ATG4D: variants seen among roughly 807,000 people sequenced by gnomAD.
ATG4D encodes the protein cysteine protease ATG4D.
A neutral mutation model predicts 55.2 loss-of-function variants in ATG4D; 51 were observed. The ratio of observed to expected loss-of-function variants is 0.92; its 90% CI spans 0.74 to 1.17. ATG4D has a LOEUF of 1.17. Ranked by LOEUF, ATG4D falls within the 50% of genes most tolerant of loss-of-function variation. ATG4D has a pLI of 0.00. For synonymous variants in ATG4D, 268 were observed against 266.2 expected (o/e 1.01, Z -0.07); for missense variants, 635 against 649.6 (o/e 0.98, Z 0.25).
chr19:10,546,392 C>A (rs950495158), intron 3 of ATG4D, among the ~76,000 whole-genome samples: 4 of 150,982 alleles, frequency 2.6e-5, no homozygotes, highest in South Asian at 2.1e-4. Context: ...ATCATCCTGG[C>A]TGAAGTGCAG....
intron 3 of ATG4D, among the ~76,000 whole-genome samples, chr19:10,546,121 C>T (rs558991663): frequency 5.3e-5 from 8 of 151,912 alleles, no homozygotes; most frequent in Non-Finnish European, 1.0e-4. Flanking sequence ...AGGCATTCGA[C>T]ACCAGCCTAG....
chr19:10,545,289 G>C (rs1371253054), intron 3 of ATG4D, among the ~76,000 whole-genome samples, 159 bp downstream of exon 3: 1 of 152,172 alleles, frequency 6.6e-6, no homozygotes, highest in African/African-American at 2.4e-5. Context: ...GTTTCAGCCG[G>C]GGTTGGAAAC....
chr19:10,550,773 A>C (rs35643447), intron 6 of ATG4D, among the ~76,000 whole-genome samples: 23,920 of 141,228 alleles, frequency 0.17, 2,310 homozygotes, highest in Admixed American at 0.28. Flanking sequence ...GTGCAGTGGC[A>C]TGATCTCAGC....
chr19:10,552,196 C>G lies in ATG4D; in HGVS notation c.1123-9C>G, dbSNP rs763826655. 2 of 1,611,946 alleles carry G rather than the reference C, an allele frequency of 1.2e-6. No individual in the cohort carries two copies. The highest frequency in any genetic ancestry group is 1.7e-6 in the Non-Finnish European group (2 of 1,180,012). ...CAGCCTCTGAGCCTTCCTCGTCTGT[C>G]TGCCCCAGTCCTTCCACTGCACCTC... On this transcript the variant is annotated splice_polypyrimidine_tract_variant and intron_variant, in intron 8 of 9. Coordinates refer to ENST00000309469, the MANE Select transcript of ATG4D (RefSeq NM_032885.6).
At chr19:10,552,021 C>CA in intron 7 of ATG4D, 24 bp from the exon 8 acceptor site, 1 of 1,612,182 alleles carries the variant, frequency 6.2e-7, no homozygotes, top group East Asian at 2.2e-5. Flanking sequence ...ACCGCACCCC[C>CA]ACTCACACCT....
rs777918388 is a variant in ATG4D at position 10,546,981 on chromosome 19, C to A, written c.636C>A (p.His212Gln). Residue 212 changes from histidine (H) to glutamine (Q), a missense_variant, in exon 4 of 10, where the codon CAC becomes CAA. Physicochemically the swap from His to Gln is conservative, Grantham distance 24 (BLOSUM62 0). Coordinates refer to ENST00000309469, the MANE Select transcript of ATG4D (RefSeq NM_032885.6). ...CTGAGCTGGAGCAGGAACGCCGGCA[C>A]CGGCAGATTGTGTCCTGGTTCGCCG... ...GAPELEQERR[H>Q]RQIVSWFADH... 1 of 1,603,882 alleles carries A rather than the reference C, an allele frequency of 6.2e-7. No homozygotes were observed. The highest frequency in any genetic ancestry group is 2.2e-5 in the East Asian group (1 of 44,450).
chr19:10,543,919 G>A lies in ATG4D; in HGVS notation c.-172G>A, dbSNP rs1434494265. 4 of 408,108 alleles carry A rather than the reference G, an allele frequency of 9.8e-6. No individual in the cohort carries two copies. Among genetic ancestry groups the A allele is most frequent in the Non-Finnish European group, 1.7e-5 (4 of 241,222 alleles). 25.3% of individuals were successfully genotyped at this position (408,108 alleles called of 1,614,324 possible). ...GTCATCCGGGGTCCTGGCCCGCTAA[G>A]ATGGCGATGGCTGCGGTAGCAGCGG... On this transcript the variant is annotated 5_prime_UTR_variant, in exon 1 of 10. Coordinates refer to ENST00000309469, the MANE Select transcript of ATG4D (RefSeq NM_032885.6).
chr19:10,545,249 G>C (rs1282075956), intron 3 of ATG4D, 119 bp downstream of exon 3: 34 of 1,351,336 alleles, frequency 2.5e-5, no homozygotes, highest in Non-Finnish European at 3.2e-5. Flanking sequence ...TGTCAAGTAA[G>C]TTTTGGAGAG....
chr19:10,552,831 A>C, intron 9 of ATG4D, 54 bp from the exon 10 acceptor site: 4 of 1,539,864 alleles, frequency 2.6e-6, no homozygotes, highest in Non-Finnish European at 3.5e-6. Flanking sequence ...ACCTGGGCTA[A>C]GGAATATGGC....
rs1027180503 is a variant in ATG4D, at chr19:10,544,038, G to C, written c.-53G>C. 1.7e-6 allele frequency: 2 copies of C among 1,187,884 alleles called. No individual in the cohort carries two copies. The highest frequency in any genetic ancestry group is 4.3e-5 in the Admixed American group (1 of 23,262). 73.6% of individuals were successfully genotyped at this position (1,187,884 alleles called of 1,614,324 possible). On this transcript the variant is annotated 5_prime_UTR_variant, in exon 1 of 10. Transcript: ENST00000309469. Reference sequence around the variant, plus strand: ...ACCGGCTGCGGGTCGCCCTTGGGGGGCAGCGGCCGCAGCCCCCCACCTGGG... The same window carrying C: ...ACCGGCTGCGGGTCGCCCTTGGGGGCCAGCGGCCGCAGCCCCCCACCTGGG...
Position 10,551,887 on chromosome 19 carries a change from C to T in ATG4D, c.967-10C>T. On this transcript the variant is annotated splice_polypyrimidine_tract_variant and intron_variant, in intron 6 of 9. Transcript: ENST00000309469. ...TGCCTGACAGCACCTGCCTACCCTC[C>T]TCCCTGCAGGAACTCCTGCGTTGCG... is the stretch of plus-strand genomic sequence containing the variant. 6.2e-7 allele frequency: 1 copy of T among 1,613,710 alleles called. No homozygotes were observed. Among genetic ancestry groups the T allele is most frequent in the Non-Finnish European group, 8.5e-7 (1 of 1,179,880 alleles).
At chr19:10,551,403 G>A (rs527546936) in intron 6 of ATG4D, among the ~76,000 whole-genome samples, 19 of 152,000 alleles carry the variant, frequency 1.3e-4, no homozygotes, top group South Asian at 6.3e-4. Flanking sequence ...TGGAGGTTTC[G>A]GTGAGCCAAG....
chr19:10,548,477 T>G (rs770872319), intron 5 of ATG4D, among the ~76,000 whole-genome samples: 28 of 152,056 alleles, frequency 1.8e-4, no homozygotes, highest in Non-Finnish European at 4.0e-4. Context: ...GGCAGGAGAA[T>G]GGGCCCAAGT....
Position 10,544,050 on chromosome 19 carries a change from G to GC in ATG4D, c.-35dup. 3.3e-6 allele frequency: 4 copies of GC among 1,214,246 alleles called. No homozygotes were observed. Among genetic ancestry groups the GC allele is most frequent in the Non-Finnish European group, 4.1e-6 (4 of 970,846 alleles). The allele number at this position is 1,214,246 out of a possible 1,614,324, so 75.2% of individuals were successfully genotyped here. A position where few individuals can be genotyped will look rare whatever the true frequency, so the allele number is the denominator to read the frequency against. ...TCGCCCTTGGGGGGCAGCGGCCGCA[G>GC]CCCCCCACCTGGGCCCTCGGTCCGC... On this transcript the variant is annotated 5_prime_UTR_variant, in exon 1 of 10. Transcript: ENST00000309469.
intron 3 of ATG4D, among the ~76,000 whole-genome samples, chr19:10,546,337 T>C (rs1916028438): frequency 6.6e-6 from 1 of 150,988 alleles, no homozygotes; most frequent in East Asian, 1.9e-4. Flanking sequence ...ATTTATTTTA[T>C]TTATTATTAT....
intron 6 of ATG4D, among the ~76,000 whole-genome samples, chr19:10,550,708 C>CT (rs34184188): frequency 0.22 from 22,114 of 100,116 alleles, 4,100 homozygotes; most frequent in Non-Finnish European, 0.31. Context: ...ATGCATGTGG[C>CT]TTTTTTTTTT....
At chr19:10,546,185 G>A (rs1276120198) in intron 3 of ATG4D, among the ~76,000 whole-genome samples, 1 of 151,896 alleles carries the variant, frequency 6.6e-6, no homozygotes, top group Non-Finnish European at 1.5e-5. Context: ...TTAGCTGAGT[G>A]TGGTGGCATG....
chr19:10,552,995 A>T lies in ATG4D; in HGVS notation c.1353A>T (p.Thr451=), dbSNP rs1246410594. ...DDLCSQLAQP[T]LRLPRTGRLL... is the part of the protein sequence containing the mutation. ...TCTGCTCCCAGCTCGCCCAGCCCAC[A>T]CTCCGGCTCCCTCGCACAGGGCGGC... Residue 451 remains threonine, a synonymous_variant, in exon 10 of 10, where the codon ACA becomes ACT. Transcript: ENST00000309469. The T allele has an allele frequency of 6.2e-7, 1 of 1,612,846 alleles. No homozygotes were observed. The highest frequency in any genetic ancestry group is 1.1e-5 in the South Asian group (1 of 91,058).
chr19:10,549,127 A>ACT, intron 6 of ATG4D, 93 bp downstream of exon 6: 1 of 1,419,194 alleles, frequency 7.0e-7, no homozygotes, highest in Non-Finnish European at 9.3e-7. Context: ...AGCCCTCATC[A>ACT]CTTTTTTTTT....
Sources: allele counts gnomAD v4.1 joint callset (sites outside exome capture counted in the v4.1 genomes callset), GRCh38; gene constraint gnomAD v4.1.1; transcripts MANE v1.5; gene names NCBI Gene and HGNC (gene_info 2026-07-23, HGNC 2026-07-21).